Variants in HSD17B12 observed in about 807,000 individuals in gnomAD.
The protein encoded by HSD17B12 is hydroxysteroid 17-beta dehydrogenase 12.
A neutral mutation model predicts 39.3 loss-of-function variants in HSD17B12; 32 were observed. The ratio of observed to expected loss-of-function variants is 0.81; its 90% CI spans 0.61 to 1.09. The LOEUF (loss-of-function observed/expected upper bound fraction) is 1.09. HSD17B12 is among the 50% of genes least tolerant of loss of function. HSD17B12 has a pLI of 0.00. For missense variants in HSD17B12, 342 were observed against 382.9 expected (o/e 0.89, Z 0.89); for synonymous variants, 150 against 146.7 (o/e 1.02, Z -0.16).
intron 3 of HSD17B12, among the ~76,000 whole-genome samples, chr11:43,777,019 T>G (rs1469788738): frequency 6.6e-6 from 1 of 152,226 alleles, no homozygotes; most frequent in African/African-American, 2.4e-5. Flanking sequence ...CGTTGTAGTA[T>G]AGTTTGAAGT....
At chr11:43,715,183 G>C (rs924864256) in intron 1 of HSD17B12, among the ~76,000 whole-genome samples, 6 of 152,044 alleles carry the variant, frequency 3.9e-5, no homozygotes, top group Non-Finnish European at 8.8e-5. Flanking sequence ...TGGTGAGAGA[G>C]GGCATCCCTG....
In HSD17B12 at chr11:43,680,802, A is replaced by T; in HGVS notation, c.-26A>T. On this transcript the variant is annotated 5_prime_UTR_variant, in exon 1 of 11. Transcript: ENST00000278353. The stretch of plus-strand genomic sequence containing the variant: ...CATTCACTCGCTCTTTTCATTCACG[A>T]AGGTAGTGAGGCCTAGTGGAAAGCC... 1 of 1,596,254 alleles carries T rather than the reference A, an allele frequency of 6.3e-7. No individual in the cohort carries two copies. The highest frequency in any genetic ancestry group is 8.6e-7 in the Non-Finnish European group (1 of 1,163,998).
intron 1 of HSD17B12, among the ~76,000 whole-genome samples, chr11:43,742,878 G>A (rs1950381974): frequency 6.6e-6 from 1 of 152,080 alleles, no homozygotes; most frequent in South Asian, 2.1e-4. Context: ...TTGGTTTTGA[G>A]AAGTATGAGA....
chr11:43,710,627 C>G (rs1297327733), intron 1 of HSD17B12, among the ~76,000 whole-genome samples: 6 of 152,018 alleles, frequency 3.9e-5, no homozygotes, highest in Non-Finnish European at 7.4e-5. Context: ...TGAACTATAA[C>G]TGACTCTAGA....
chr11:43,562,689 C>A, the HSD17B12 span, among the ~76,000 whole-genome samples: 1 of 152,108 alleles, frequency 6.6e-6, no homozygotes, highest in African/African-American at 2.4e-5. Context: ...TCTTCCTTTT[C>A]TGAAATTAGC....
chr11:43,680,589 G>T, upstream of HSD17B12: 1 of 535,940 alleles, frequency 1.9e-6, no homozygotes, highest in South Asian at 2.1e-5. Flanking sequence ...GCGGTGATGG[G>T]AGGAGTGTGG....
chr11:43,763,607 T>A (rs1210181769), intron 3 of HSD17B12, among the ~76,000 whole-genome samples: 1 of 136,900 alleles, frequency 7.3e-6, no homozygotes, highest in Non-Finnish European at 1.6e-5. Flanking sequence ...TATATAAGGT[T>A]ATCTTATATA....
At chr11:43,821,200 CT>C (rs1436741295) in intron 6 of HSD17B12, among the ~76,000 whole-genome samples, 1 of 152,258 alleles carries the variant, frequency 6.6e-6, no homozygotes, top group East Asian at 1.9e-4. Flanking sequence ...GAGTTTATTC[CT>C]TTCTTCCCTC....
At chr11:43,601,157 G>A in the HSD17B12 span, among the ~76,000 whole-genome samples, 1 of 151,410 alleles carries the variant, frequency 6.6e-6, no homozygotes, top group South Asian at 2.1e-4. Context: ...AGAGCTGCAA[G>A]CTGCTATTTA....
At chr11:43,703,140 T>C (rs1949981452) in intron 1 of HSD17B12, among the ~76,000 whole-genome samples, 1 of 152,220 alleles carries the variant, frequency 6.6e-6, no homozygotes. Flanking sequence ...TCAGAATAGT[T>C]TGAGAAGGAT....
At chr11:43,655,665 A>G in the HSD17B12 span, among the ~76,000 whole-genome samples, 2 of 152,172 alleles carry the variant, frequency 1.3e-5, no homozygotes, top group African/African-American at 2.4e-5. Context: ...TGAGATAATC[A>G]TGTGGTTTTG....
At chr11:43,650,413 A>G in the HSD17B12 span, among the ~76,000 whole-genome samples, 3 of 152,304 alleles carry the variant, frequency 2.0e-5, no homozygotes, top group African/African-American at 7.2e-5. Flanking sequence ...GAGCAACAAT[A>G]AAGTATCTCT....
At chr11:43,730,145 T>C (rs1950255624) in intron 1 of HSD17B12, among the ~76,000 whole-genome samples, 1 of 152,138 alleles carries the variant, frequency 6.6e-6, no homozygotes, top group African/African-American at 2.4e-5. Flanking sequence ...AGTTTGCAAC[T>C]ACATTGTAAA....
chr11:43,660,039 A>G, the HSD17B12 span, among the ~76,000 whole-genome samples: 4 of 152,142 alleles, frequency 2.6e-5, no homozygotes, highest in African/African-American at 2.4e-5. Flanking sequence ...CCAGGACCCA[A>G]ATCACTGCTG....
At chr11:43,833,993 A>G (rs540812468) in intron 7 of HSD17B12, 1 of 152,208 alleles carries the variant, frequency 6.6e-6, no homozygotes, top group Non-Finnish European at 1.5e-5. Flanking sequence ...TGGGAAAGCT[A>G]AAAATAGCCC....
the HSD17B12 span, among the ~76,000 whole-genome samples, chr11:43,615,092 C>T: frequency 9.9e-5 from 15 of 152,012 alleles, no homozygotes; most frequent in African/African-American, 2.7e-4. Context: ...CTTTGAAGAG[C>T]GTTGAGTTTT....
the HSD17B12 span, among the ~76,000 whole-genome samples, chr11:43,633,205 G>A: frequency 6.6e-6 from 1 of 152,088 alleles, no homozygotes; most frequent in Non-Finnish European, 1.5e-5. Context: ...TCCTTAACTA[G>A]CTCAGTCACA....
intron 1 of HSD17B12, among the ~76,000 whole-genome samples, chr11:43,716,625 G>C: frequency 6.6e-6 from 1 of 151,452 alleles, no homozygotes; most frequent in East Asian, 1.9e-4. Context: ...TGAAAGAATA[G>C]TTCCTCTCCT....
At chr11:43,625,922 A>G in the HSD17B12 span, among the ~76,000 whole-genome samples, 1 of 149,272 alleles carries the variant, frequency 6.7e-6, no homozygotes, top group Non-Finnish European at 1.5e-5. Context: ...CTAGTTAATA[A>G]TAAAACTACT....
Sources: allele counts gnomAD v4.1 joint callset (sites outside exome capture counted in the v4.1 genomes callset), GRCh38; gene constraint gnomAD v4.1.1; transcripts MANE v1.5; gene names NCBI Gene and HGNC (gene_info 2026-07-23, HGNC 2026-07-21).